Variants in GRK5 observed in about 807,000 individuals in gnomAD.
GRK5 encodes G protein-coupled receptor kinase 5.
GRK5 carries 40 observed loss-of-function variants against 78.4 expected under a neutral mutation model. That is an observed-to-expected ratio of 0.51 (90% CI 0.40 to 0.66). GRK5 has a LOEUF of 0.66. Ranked by LOEUF, GRK5 falls within the 30% of genes least tolerant of loss-of-function variation. The pLI is 0.00. For missense variants in GRK5, 598 were observed against 759.9 expected (o/e 0.79, Z 2.50); for synonymous variants, 289 against 296.8 (o/e 0.97, Z 0.27).
chr10:119,214,960 A>G (rs912842381), intron 1 of GRK5, among the ~76,000 whole-genome samples: 7 of 152,250 alleles, frequency 4.6e-5, no homozygotes, highest in Admixed American at 4.6e-4. Context: ...GCAGGTGTTC[A>G]GGGCAGAGGC....
At chr10:119,440,975 C>T (rs1853020726) in intron 10 of GRK5, among the ~76,000 whole-genome samples, 1 of 152,206 alleles carries the variant, frequency 6.6e-6, no homozygotes, top group African/African-American at 2.4e-5. Flanking sequence ...CCAGCAGCAT[C>T]AGTGGGGAGC....
At chr10:119,421,966 G>A (rs79160793) in intron 4 of GRK5, among the ~76,000 whole-genome samples, 2,748 of 152,140 alleles carry the variant, frequency 0.018, 30 homozygotes, top group Middle Eastern at 0.031. Flanking sequence ...TGACACCCCC[G>A]CCCAGAAACC....
At chr10:119,222,234 G>A (rs898269055) in intron 1 of GRK5, among the ~76,000 whole-genome samples, 1 of 152,096 alleles carries the variant, frequency 6.6e-6, no homozygotes, top group Admixed American at 6.5e-5. Flanking sequence ...TTCGTTTTTC[G>A]TGTTTGAGAG....
rs551974431 is a variant in GRK5, at chr10:119,427,770, C to T, written c.534-2605C>T. ...CCATCATCAGTATTACCACCATCAG[C>T]GGCATCACCACCATCATCAGCATCA... is the stretch of plus-strand genomic sequence containing the variant. On this transcript the variant is annotated intron_variant, in intron 6 of 15. Transcript: ENST00000392870. Among the ~76,000 whole-genome samples, 8 of 131,044 alleles carry T rather than the reference C, an allele frequency of 6.1e-5. No homozygotes were observed. In the East Asian group the frequency reaches 7.0e-4, roughly 12 times the overall value. The allele number at this position is 131,044 out of a possible 152,430, so 86.0% of individuals were successfully genotyped here. A position where few individuals can be genotyped will look rare whatever the true frequency, so the allele number is the denominator to read the frequency against.
At chr10:119,241,253 C>T (rs1849020661) in intron 1 of GRK5, among the ~76,000 whole-genome samples, 2 of 152,102 alleles carry the variant, frequency 1.3e-5, no homozygotes, top group African/African-American at 4.8e-5. Context: ...GCAAAGGCCA[C>T]GTGAGGGGTT....
chr10:119,265,889 C>T (rs181805116), intron 1 of GRK5, among the ~76,000 whole-genome samples: 16 of 152,334 alleles, frequency 1.1e-4, no homozygotes, highest in African/African-American at 3.6e-4. Flanking sequence ...GGAGTGGGTC[C>T]CTGCCTGGGG....
At chr10:119,418,971 T>A (rs1308009719) in intron 4 of GRK5, among the ~76,000 whole-genome samples, 1 of 152,236 alleles carries the variant, frequency 6.6e-6, no homozygotes, top group Non-Finnish European at 1.5e-5. Flanking sequence ...GTGGCACCCC[T>A]GACCATCAGC....
rs1853135782 is a variant in GRK5 at position 119,445,878 on chromosome 10, G to T, written c.1266+2126G>T. ...GAGGAAGCCAGTCTCTGGCCCCCAG[G>T]TCTGTCCCCCATTCTACCTTAGCAG... On this transcript the variant is annotated intron_variant, in intron 12 of 15. Coordinates refer to ENST00000392870, the MANE Select transcript of GRK5 (RefSeq NM_005308.3). This position sits in a 1 kb window ranked among gnomAD's most constrained non-coding sequence, Gnocchi z 4.1. Among the ~76,000 whole-genome samples the T allele has an allele frequency of 6.6e-6, 1 of 152,078 alleles. No homozygotes were observed. Among genetic ancestry groups the T allele is most frequent in the African/African-American group, 2.4e-5 (1 of 41,420 alleles).
intron 1 of GRK5, among the ~76,000 whole-genome samples, chr10:119,273,854 A>ACC (rs1165301373): frequency 2.0e-5 from 3 of 151,858 alleles, no homozygotes; most frequent in Non-Finnish European, 4.4e-5. Flanking sequence ...GCTCACTGCA[A>ACC]CCTCCATCTC....
At chr10:119,276,917 G>T (rs1313129803) in intron 1 of GRK5, among the ~76,000 whole-genome samples, 1 of 152,180 alleles carries the variant, frequency 6.6e-6, no homozygotes, top group African/African-American at 2.4e-5. Context: ...GTTCACAAGG[G>T]TCGTACCATG....
At chr10:119,270,768 G>A (rs954262433) in intron 1 of GRK5, among the ~76,000 whole-genome samples, 2 of 152,246 alleles carry the variant, frequency 1.3e-5, no homozygotes, top group Non-Finnish European at 1.5e-5. Context: ...GAAGCTGAGA[G>A]TTAAGTAGGG....
intron 4 of GRK5, among the ~76,000 whole-genome samples, chr10:119,406,262 C>T (rs1459532650): frequency 6.6e-6 from 1 of 152,156 alleles, no homozygotes; most frequent in Non-Finnish European, 1.5e-5. Flanking sequence ...AGCTATGATG[C>T]GTTATGGAAA....
intron 2 of GRK5, among the ~76,000 whole-genome samples, chr10:119,372,668 C>G (rs1851564507): frequency 6.6e-6 from 1 of 152,206 alleles, no homozygotes; most frequent in Non-Finnish European, 1.5e-5. Context: ...TATTATTCTA[C>G]TTTCTACAGT....
At chr10:119,313,785 C>T (rs1197897822) in intron 1 of GRK5, among the ~76,000 whole-genome samples, 1 of 152,090 alleles carries the variant, frequency 6.6e-6, no homozygotes, top group Non-Finnish European at 1.5e-5. Context: ...TGGGAGGGGC[C>T]CTGTCCCCAT....
intron 1 of GRK5, among the ~76,000 whole-genome samples, chr10:119,269,034 G>C (rs1422697623): frequency 6.6e-5 from 10 of 152,232 alleles, no homozygotes; most frequent in Admixed American, 5.9e-4. Context: ...GATGACATCT[G>C]CTCTCTGCTC....
intron 3 of GRK5, among the ~76,000 whole-genome samples, chr10:119,388,707 G>C (rs995106000): frequency 1.3e-5 from 2 of 152,230 alleles, no homozygotes; most frequent in Non-Finnish European, 2.9e-5. Context: ...TGGTTTTGTG[G>C]GTCAGGAATT....
At chr10:119,339,477 G>A (rs1850947081) in intron 2 of GRK5, among the ~76,000 whole-genome samples, 1 of 152,184 alleles carries the variant, frequency 6.6e-6, no homozygotes. Context: ...CTGCCTGGGT[G>A]TATTAAACCC....
chr10:119,390,577 C>T (rs1851873796), intron 3 of GRK5, among the ~76,000 whole-genome samples: 1 of 152,180 alleles, frequency 6.6e-6, no homozygotes, highest in African/African-American at 2.4e-5. Flanking sequence ...CGCCTGTAGT[C>T]CCAGCTACTT....
At chr10:119,404,253 T>C (rs1852198465) in intron 4 of GRK5, among the ~76,000 whole-genome samples, 1 of 152,234 alleles carries the variant, frequency 6.6e-6, no homozygotes, top group Non-Finnish European at 1.5e-5. Flanking sequence ...GATTCATACT[T>C]CCCTAATAAT....
Sources: gnomAD v4.1 joint callset for allele counts (sites outside exome capture counted in the v4.1 genomes callset) on GRCh38, gnomAD v4.1.1 for gene constraint, Gnocchi (gnomAD v3.1) non-coding constraint, MANE v1.5 for transcripts, NCBI Gene and HGNC (gene_info 2026-07-23, HGNC 2026-07-21) for gene names.